Variants in SLC9B1 observed in about 807,000 individuals in gnomAD.
SLC9B1 encodes solute carrier family 9 member B1.
Under a neutral mutation model 51.7 loss-of-function variants are expected in SLC9B1, and 32 were observed. The observed-to-expected ratio is 0.62, with a 90% confidence interval of 0.47 to 0.83. SLC9B1 has a LOEUF of 0.83. Ranked by LOEUF, SLC9B1 falls within the 40% of genes least tolerant of loss-of-function variation. SLC9B1 has a pLI of 0.00. For synonymous variants in SLC9B1, 145 were observed against 212.7 expected (o/e 0.68, Z 2.77); for missense variants, 406 against 613.2 (o/e 0.66, Z 3.57).
At chr4:102,942,064 C>A (rs1340867112) in intron 6 of SLC9B1, among the ~76,000 whole-genome samples, 1 of 151,938 alleles carries the variant, frequency 6.6e-6, no homozygotes, top group Non-Finnish European at 1.5e-5. Context: ...ACAACAGCTG[C>A]AAAAACAAAC....
At chr4:102,967,933 T>C (rs528849689) in intron 3 of SLC9B1, among the ~76,000 whole-genome samples, 11 of 152,336 alleles carry the variant, frequency 7.2e-5, no homozygotes, top group Admixed American at 4.6e-4. Context: ...TAGATGTCAA[T>C]TGATCTACAA....
intron 3 of SLC9B1, among the ~76,000 whole-genome samples, chr4:102,960,820 C>T (rs1738070669): frequency 6.6e-6 from 1 of 151,656 alleles, no homozygotes; most frequent in South Asian, 2.1e-4. Flanking sequence ...ACAACCTCCG[C>T]CTCCCGGGTT....
chr4:103,016,974 C>T (rs778605044), intron 1 of SLC9B1: 1 of 152,076 alleles, frequency 6.6e-6, no homozygotes, highest in Non-Finnish European at 1.5e-5. Flanking sequence ...CCTCAAATTA[C>T]CTTTGATTTC....
intron 3 of SLC9B1, among the ~76,000 whole-genome samples, chr4:102,959,205 ATAGGAGAT>A (rs1737955608): frequency 6.7e-6 from 1 of 148,150 alleles, no homozygotes; most frequent in South Asian, 2.1e-4. Flanking sequence ...ATGTAAAAGG[ATAGGAGAT>A]TAGGAGACAT....
At chr4:102,931,605 T>C (rs1736461194) in intron 7 of SLC9B1, among the ~76,000 whole-genome samples, 1 of 151,418 alleles carries the variant, frequency 6.6e-6, no homozygotes, top group South Asian at 2.1e-4. Flanking sequence ...ATGTTTACTT[T>C]CACAATTTCT....
At chr4:103,006,598 T>C (rs1740799685) in intron 1 of SLC9B1, among the ~76,000 whole-genome samples, 1 of 152,026 alleles carries the variant, frequency 6.6e-6, no homozygotes, top group Admixed American at 6.6e-5. Flanking sequence ...CTACTGAAAA[T>C]ATTCCAAAAA....
chr4:102,954,344 C>T lies in SLC9B1; in HGVS notation c.212-4917G>A, dbSNP rs568189400. Among the ~76,000 whole-genome samples, 2 of 74,176 alleles carry T rather than the reference C, an allele frequency of 2.7e-5. 1 individual carries two copies. The highest frequency in any genetic ancestry group is 7.7e-4 in the East Asian group (2 of 2,610). The allele number at this position is 74,176 out of a possible 152,430, so 48.7% of individuals were successfully genotyped here. On this transcript the variant is annotated intron_variant, in intron 3 of 11. Coordinates refer to ENST00000296422, the MANE Select transcript of SLC9B1 (RefSeq NM_139173.4). ...AGCCCACTTGATCATGGTGGATAAG[C>T]TTTTTGATGTGCTGCTGGATTCGGT...
chr4:102,914,354 C>T (rs772884363), intron 7 of SLC9B1, among the ~76,000 whole-genome samples: 2 of 151,792 alleles, frequency 1.3e-5, no homozygotes, highest in Non-Finnish European at 2.9e-5. Flanking sequence ...GGCTGCATAA[C>T]CCTTCAACTG....
At chr4:102,910,362 A>T in intron 9 of SLC9B1, 77 bp downstream of exon 9, 1 of 1,305,300 alleles carries the variant, frequency 7.7e-7, no homozygotes, top group Non-Finnish European at 1.0e-6. Context: ...TCCAACCAGA[A>T]TGAGGGGATT....
At chr4:102,958,575 C>G (rs1427783729) in intron 3 of SLC9B1, among the ~76,000 whole-genome samples, 1 of 152,064 alleles carries the variant, frequency 6.6e-6, no homozygotes, top group Non-Finnish European at 1.5e-5. Context: ...TGATTGAGCC[C>G]AGGAGTTTGA....
intron 7 of SLC9B1, among the ~76,000 whole-genome samples, chr4:102,918,291 T>C (rs1002286712): frequency 6.6e-6 from 1 of 151,958 alleles, no homozygotes; most frequent in Non-Finnish European, 1.5e-5. Flanking sequence ...TACTGACAAG[T>C]TGGATAACCT....
intron 1 of SLC9B1, among the ~76,000 whole-genome samples, chr4:103,016,414 A>G (rs1741342464): frequency 6.6e-6 from 1 of 152,084 alleles, no homozygotes; most frequent in East Asian, 1.9e-4. Context: ...ATAGTAAAAC[A>G]TCTTGAGATG....
At chr4:102,919,132 A>G (rs1735733703) in intron 7 of SLC9B1, among the ~76,000 whole-genome samples, 1 of 152,156 alleles carries the variant, frequency 6.6e-6, no homozygotes, top group African/African-American at 2.4e-5. Flanking sequence ...TGTTGTGAAG[A>G]ACTCTGACAT....
chr4:102,888,538 G>A (rs546294667), intron 11 of SLC9B1: 1 of 152,328 alleles, frequency 6.6e-6, no homozygotes, highest in African/African-American at 2.4e-5. Context: ...GTACAAAAAA[G>A]TTTGTGAAAT....
At chr4:102,955,943 C>A (rs1423317638) in intron 3 of SLC9B1, among the ~76,000 whole-genome samples, 1 of 152,050 alleles carries the variant, frequency 6.6e-6, no homozygotes. Context: ...TTTCCAGTTC[C>A]AAGTTCCAAT....
intron 6 of SLC9B1, among the ~76,000 whole-genome samples, chr4:102,942,458 T>C (rs1443973340): frequency 6.6e-6 from 1 of 152,112 alleles, no homozygotes; most frequent in Admixed American, 6.5e-5. Flanking sequence ...CAAAGCAGCA[T>C]AACACTGGTA....
chr4:102,912,586 C>T (rs1038183321), intron 7 of SLC9B1, among the ~76,000 whole-genome samples: 1 of 152,076 alleles, frequency 6.6e-6, no homozygotes, highest in African/African-American at 2.4e-5. Context: ...ATATTTTCTA[C>T]TAAATATAAC....
At chr4:102,886,556 A>G (rs7695638) in intron 11 of SLC9B1, among the ~76,000 whole-genome samples, 2,796 of 152,258 alleles carry the variant, frequency 0.018, 79 homozygotes, top group African/African-American at 0.061. Context: ...ACTGTTAATT[A>G]TTATTATGTG....
In SLC9B1 at chr4:102,932,258, T is replaced by A. The variant is rs1736497629; in HGVS notation, c.695A>T (p.Tyr232Phe). The change falls in exon 7 of 12, where the codon TAC becomes TTC. Residue 232 changes from tyrosine to phenylalanine, a missense_variant. Coordinates refer to ENST00000296422, the MANE Select transcript of SLC9B1 (RefSeq NM_139173.4). ...TCCATTTTCTTGCAGCACCATCATG[T>A]AAGGGACAACAACAGCAGGAGAGAC... ...GAVSPAVVVPYMMVLQENGYG... is the reference protein window; with the variant it reads ...GAVSPAVVVPFMMVLQENGYG... The A allele has an allele frequency of 6.2e-7, 1 of 1,611,744 alleles. No individual in the cohort carries two copies. The highest frequency in any genetic ancestry group is 1.3e-5 in the African/African-American group (1 of 74,854).
Sources: allele counts gnomAD v4.1 joint callset (sites outside exome capture counted in the v4.1 genomes callset), GRCh38; gene constraint gnomAD v4.1.1; transcripts MANE v1.5; gene names NCBI Gene and HGNC (gene_info 2026-07-23, HGNC 2026-07-21).